MATCAP2: variants seen among roughly 807,000 people sequenced by gnomAD.
MATCAP2 encodes microtubule associated tyrosine carboxypeptidase 2.
the MATCAP2 span, among the ~76,000 whole-genome samples, chr7:36,385,289 A>G: frequency 6.6e-6 from 1 of 152,248 alleles, no homozygotes; most frequent in South Asian, 2.1e-4. Context: ...AAATCAGAAG[A>G]GGATTTTCTT....
chr7:36,344,528 T>C, the MATCAP2 span, among the ~76,000 whole-genome samples: 2 of 152,220 alleles, frequency 1.3e-5, no homozygotes, highest in Non-Finnish European at 2.9e-5. Context: ...TTATACTGAA[T>C]ATAAACTACT....
At chr7:36,335,426 G>A in the MATCAP2 span, among the ~76,000 whole-genome samples, 16 of 152,138 alleles carry the variant, frequency 1.1e-4, no homozygotes, top group African/African-American at 3.9e-4. Flanking sequence ...AGGAAGACAC[G>A]AAGGACTTAA....
chr7:36,366,824 C>A, the MATCAP2 span: 2 of 1,520,568 alleles, frequency 1.3e-6, no homozygotes, highest in Non-Finnish European at 1.8e-6. Context: ...GAGCGGCGCG[C>A]CCAGCCGGTG....
At chr7:36,350,070 G>T in the MATCAP2 span, among the ~76,000 whole-genome samples, 3 of 152,328 alleles carry the variant, frequency 2.0e-5, no homozygotes, top group South Asian at 6.2e-4. Flanking sequence ...ATAATTTAAA[G>T]AAGGCTTACT....
At chr7:36,347,534 G>A in the MATCAP2 span, among the ~76,000 whole-genome samples, 17 of 152,278 alleles carry the variant, frequency 1.1e-4, no homozygotes, top group South Asian at 4.1e-4. Flanking sequence ...TAGGTTTGTC[G>A]TTGTACCTTT....
chr7:36,377,920 TG>T, the MATCAP2 span, among the ~76,000 whole-genome samples: 1 of 152,238 alleles, frequency 6.6e-6, no homozygotes, highest in Admixed American at 6.5e-5. Context: ...GCATGCATCA[TG>T]TAGTTCTCAT....
chr7:36,329,805 T>C, the MATCAP2 span, among the ~76,000 whole-genome samples: 1 of 152,168 alleles, frequency 6.6e-6, no homozygotes. Flanking sequence ...GGAAAGGTAC[T>C]TTTACAATGG....
the MATCAP2 span, among the ~76,000 whole-genome samples, chr7:36,363,088 C>T: frequency 6.6e-6 from 1 of 152,054 alleles, no homozygotes; most frequent in Non-Finnish European, 1.5e-5. Flanking sequence ...GACTTAGTTG[C>T]CTGACGGTTG....
the MATCAP2 span, among the ~76,000 whole-genome samples, chr7:36,359,767 T>G: frequency 6.6e-6 from 1 of 152,196 alleles, no homozygotes; most frequent in Non-Finnish European, 1.5e-5. Context: ...GACTTACGTG[T>G]TGCCAACTAA....
the MATCAP2 span, among the ~76,000 whole-genome samples, chr7:36,387,593 G>A: frequency 6.6e-6 from 1 of 152,120 alleles, no homozygotes; most frequent in Non-Finnish European, 1.5e-5. Flanking sequence ...GTAGTTTCTG[G>A]CACATAGTAG....
chr7:36,352,825 C>CAA, the MATCAP2 span, among the ~76,000 whole-genome samples: 63 of 104,354 alleles, frequency 6.0e-4, no homozygotes, highest in Non-Finnish European at 9.7e-4. Flanking sequence ...ACTCCCATCT[C>CAA]AAAAAAAAAA....
the MATCAP2 span, chr7:36,356,918 T>C: frequency 1.2e-6 from 2 of 1,614,116 alleles, no homozygotes; most frequent in Non-Finnish European, 1.7e-6. Context: ...AAGAAATCGG[T>C]CAGATGCGTG....
the MATCAP2 span, among the ~76,000 whole-genome samples, chr7:36,361,256 C>T: frequency 2.0e-5 from 3 of 152,236 alleles, no homozygotes; most frequent in South Asian, 2.1e-4. Context: ...CGGTACCTCC[C>T]GTTCCCCATC....
chr7:36,389,670 C>T, the MATCAP2 span: 1 of 233,562 alleles, frequency 4.3e-6, no homozygotes, highest in Non-Finnish European at 8.2e-6. Flanking sequence ...GGAAGCGCCC[C>T]GCTGCCCGCC....
the MATCAP2 span, among the ~76,000 whole-genome samples, chr7:36,337,098 C>CAAACAAAAAAAA: frequency 5.4e-5 from 1 of 18,522 alleles, no homozygotes; most frequent in Non-Finnish European, 8.3e-5. Flanking sequence ...AACTCCATCT[C>CAAACAAAAAAAA]AAAAAAAAAA....
chr7:36,361,753 A>G, the MATCAP2 span, among the ~76,000 whole-genome samples: 3 of 152,172 alleles, frequency 2.0e-5, no homozygotes, highest in Admixed American at 2.0e-4. Context: ...ACAAACAAAC[A>G]AAAACACCTC....
At chr7:36,389,365 T>C in the MATCAP2 span, among the ~76,000 whole-genome samples, 1 of 150,684 alleles carries the variant, frequency 6.6e-6, no homozygotes, top group Admixed American at 6.6e-5. Flanking sequence ...CTCTTAATCC[T>C]TTTTTTTTCT....
chr7:36,366,146 C>T, the MATCAP2 span, among the ~76,000 whole-genome samples: 3 of 152,176 alleles, frequency 2.0e-5, no homozygotes, highest in Non-Finnish European at 4.4e-5. Context: ...TTTCCCTTTA[C>T]TCCGTTGTTC....
the MATCAP2 span, among the ~76,000 whole-genome samples, chr7:36,374,722 C>A: frequency 6.6e-6 from 1 of 152,102 alleles, no homozygotes; most frequent in Non-Finnish European, 1.5e-5. Context: ...CGGTGTGTGA[C>A]GTTCCCCACC....
Sources: gnomAD v4.1 joint callset for allele counts (sites outside exome capture counted in the v4.1 genomes callset) on GRCh38, gnomAD v4.1.1 for gene constraint, MANE v1.5 for transcripts, NCBI Gene and HGNC (gene_info 2026-07-23, HGNC 2026-07-21) for gene names.